The following RAD52 variants were observed in gnomAD, a reference collection of about 807,000 sequenced individuals.
RAD52 encodes RAD52 DNA repair protein.
RAD52 carries 47 observed loss-of-function variants against 55.5 expected under a neutral mutation model. The ratio of observed to expected loss-of-function variants is 0.85; its 90% CI spans 0.67 to 1.08. The LOEUF (loss-of-function observed/expected upper bound fraction) is 1.08, where lower values mean the gene tolerates loss of function less well. Ranked by LOEUF, RAD52 falls within the 50% of genes least tolerant of loss-of-function variation. RAD52 has a pLI of 0.00. For synonymous variants in RAD52, 184 were observed against 198.9 expected, an observed-to-expected ratio of 0.92 and a Z score of 0.63; for missense variants, 468 against 522.8, an observed-to-expected ratio of 0.90 and a Z score of 1.02.
chr12:965,896 G>A (rs1373269239), intron 1 of RAD52, among the ~76,000 whole-genome samples: 3 of 151,978 alleles, frequency 2.0e-5, no homozygotes, highest in Non-Finnish European at 4.4e-5. Flanking sequence ...CTGTTGGCCA[G>A]GCTGATCTCG....
At position 927,011 on chromosome 12, in the gene RAD52, G is replaced by T; in HGVS notation, c.467+134C>A. ...AAAACGGCAGACAGGAACCAGGGCAGGGGTGAGAATTACCTTCCACGCTGC... is the reference window on the plus strand; with the variant it reads ...AAAACGGCAGACAGGAACCAGGGCATGGGTGAGAATTACCTTCCACGCTGC... On this transcript the variant is annotated intron_variant, in intron 6 of 11. Coordinates refer to ENST00000358495, the MANE Select transcript of RAD52 (RefSeq NM_134424.4). 8 of 1,551,064 alleles carry T rather than the reference G, an allele frequency of 5.2e-6. No individual in the cohort carries two copies. In the South Asian group the frequency reaches 9.0e-5, roughly 17 times the overall value.
chr12:933,177 G>A (rs922916989), intron 1 of RAD52, 101 bp from the exon 2 acceptor site: 22 of 821,296 alleles, frequency 2.7e-5, no homozygotes, highest in African/African-American at 1.2e-4. Flanking sequence ...ATCCTTATGC[G>A]GCCAGGCACA....
intron 9 of RAD52, among the ~76,000 whole-genome samples, chr12:915,091 G>A (rs573169683): frequency 7.9e-4 from 120 of 152,298 alleles, no homozygotes; most frequent in Non-Finnish European, 1.4e-3. Context: ...CCCTGATCCC[G>A]CCACTGCACT....
At chr12:932,033 T>C (rs981336967) in intron 2 of RAD52, among the ~76,000 whole-genome samples, 2 of 152,150 alleles carry the variant, frequency 1.3e-5, no homozygotes, top group South Asian at 2.1e-4. Flanking sequence ...CTACAAGGAA[T>C]AGGACCCCCA....
At chr12:927,414 TC>T (rs1179770532) in intron 5 of RAD52, 151 bp from the exon 6 acceptor site, 2 of 678,402 alleles carry the variant, frequency 2.9e-6, no homozygotes, top group Non-Finnish European at 5.3e-6. Context: ...TGAGAATCCA[TC>T]GCGAGTGCTG....
In RAD52 at chr12:915,624, T is replaced by C. The variant is rs149355101; in HGVS notation, c.865+720A>G. Among the ~76,000 whole-genome samples the C allele has an allele frequency of 5.9e-5, 9 of 152,330 alleles. No homozygotes were observed. The East Asian group carries it at 1.5e-3, about 26-fold the overall frequency. ...ATCTGGACTCTGAAATAAACTAAAG[T>C]TGATAAATAATCTGCCAAAAGTTCC... On this transcript the variant is annotated intron_variant, in intron 9 of 11. Coordinates refer to ENST00000358495, the MANE Select transcript of RAD52 (RefSeq NM_134424.4).
chr12:969,390 A>G (rs1322982524), intron 1 of RAD52, among the ~76,000 whole-genome samples: 1 of 152,046 alleles, frequency 6.6e-6, no homozygotes, highest in African/African-American at 2.4e-5. Flanking sequence ...GGCTGCACTA[A>G]TTGTATTATA....
In RAD52 at chr12:912,342, ATCT is replaced by A. The variant is rs1299175140; in HGVS notation, c.*1046_*1048del. ...ACCCAGCCCTCTTCAGCTGCAGTGT[ATCT>A]TCTTATACAAAAACTCTGTTTCATG... On this transcript the variant is annotated 3_prime_UTR_variant, in exon 12 of 12. Coordinates refer to ENST00000358495, the MANE Select transcript of RAD52 (RefSeq NM_134424.4). 4.5e-5 allele frequency: 9 copies of A among 201,648 alleles called. No individual in the cohort carries two copies. The East Asian group carries it at 6.0e-4, about 14-fold the overall frequency. The allele number at this position is 201,648 out of a possible 1,614,324, so 12.5% of individuals were successfully genotyped here.
intron 1 of RAD52, among the ~76,000 whole-genome samples, chr12:936,024 C>A (rs1183663988): frequency 6.6e-6 from 1 of 151,288 alleles, no homozygotes; most frequent in Non-Finnish European, 1.5e-5. Context: ...CAACTTGTGG[C>A]CGGGCACGGT....
At chr12:919,753 A>G (rs1956615974) in intron 7 of RAD52, among the ~76,000 whole-genome samples, 1 of 113,952 alleles carries the variant, frequency 8.8e-6, no homozygotes, top group East Asian at 2.3e-4. Context: ...TCTGTCTAAA[A>G]AAAAAAAAAA....
At chr12:983,065 G>A (rs1959040531) in intron 1 of RAD52, among the ~76,000 whole-genome samples, 1 of 151,290 alleles carries the variant, frequency 6.6e-6, no homozygotes, top group African/African-American at 2.5e-5. Flanking sequence ...GGCCAGGCTG[G>A]TCTCGAACTC....
upstream of RAD52, among the ~76,000 whole-genome samples, chr12:950,397 CT>C (rs1347993425): frequency 2.6e-5 from 4 of 151,926 alleles, no homozygotes; most frequent in African/African-American, 9.7e-5. Flanking sequence ...TGGCGAAACC[CT>C]GTCTCTACTA....
intron 7 of RAD52, among the ~76,000 whole-genome samples, chr12:923,892 C>T (rs1956874260): frequency 6.6e-6 from 1 of 150,534 alleles, no homozygotes; most frequent in South Asian, 2.1e-4. Flanking sequence ...ACCCCATCTA[C>T]TAAAAATAAA....
chr12:984,951 C>T (rs1959067368), intron 1 of RAD52, among the ~76,000 whole-genome samples: 1 of 152,112 alleles, frequency 6.6e-6, no homozygotes. Context: ...AGGCGTGAGC[C>T]ACCGCGCCTG....
rs1958173099 is a variant in RAD52 at position 945,580 on chromosome 12, T to G, written c.-19+4022A>C. ...TCCTGAGTAGCTGGAACTACAGGCA[T>G]GCGCGACCACACCCAGCTAATTTTC... On this transcript the variant is annotated intron_variant, in intron 1 of 11. Transcript: ENST00000358495. 2.0e-5 allele frequency among the ~76,000 whole-genome samples: 3 copies of G among 151,064 alleles called. No individual in the cohort carries two copies. The South Asian group carries it at 6.3e-4, about 32-fold the overall frequency.
chr12:958,001 C>T (rs371509333), intron 1 of RAD52, among the ~76,000 whole-genome samples: 6 of 152,324 alleles, frequency 3.9e-5, no homozygotes, highest in African/African-American at 1.4e-4. Flanking sequence ...AGTGGCTTGA[C>T]TGGGGGCTGC....
chr12:964,252 T>C (rs1592476957), intron 1 of RAD52, among the ~76,000 whole-genome samples: 1 of 151,492 alleles, frequency 6.6e-6, no homozygotes, highest in South Asian at 2.1e-4. Flanking sequence ...AAAAGAAAGG[T>C]GGGGGGAAAG....
At position 912,722 on chromosome 12, in the gene RAD52, CAAAAAAA is replaced by C. The variant is rs60090525; in HGVS notation, c.*662_*668del. ...AGGGCAACACAGCCAGACCCCGTCT[CAAAAAAA>C]AAAAAAAAAAAAAAAACAAAAAACA... is the stretch of plus-strand genomic sequence containing the variant. On this transcript the variant is annotated 3_prime_UTR_variant, in exon 12 of 12. Coordinates refer to ENST00000358495, the MANE Select transcript of RAD52 (RefSeq NM_134424.4). 19 of 73,144 alleles carry C rather than the reference CAAAAAAA, an allele frequency of 2.6e-4. No homozygotes were observed. The highest frequency in any genetic ancestry group is 2.3e-3 in the East Asian group (6 of 2,600). The allele number at this position is 73,144 out of a possible 1,614,324, so 4.5% of individuals were successfully genotyped here.
At chr12:927,776 G>C (rs533056460) in intron 5 of RAD52, among the ~76,000 whole-genome samples, 1 of 152,158 alleles carries the variant, frequency 6.6e-6, no homozygotes, top group East Asian at 1.9e-4. Flanking sequence ...TGAGGCAGGA[G>C]AATCACTTGA....
Sources: gnomAD v4.1 joint callset for allele counts (sites outside exome capture counted in the v4.1 genomes callset) on GRCh38, gnomAD v4.1.1 for gene constraint, MANE v1.5 for transcripts, NCBI Gene and HGNC (gene_info 2026-07-23, HGNC 2026-07-21) for gene names.